Variants in CDH8 observed in about 807,000 individuals in gnomAD.
The protein encoded by CDH8 is cadherin-8.
In CDH8, 17 loss-of-function variants were observed where a neutral mutation model predicts 68.1. The ratio of observed to expected loss-of-function variants is 0.25; its 90% CI spans 0.17 to 0.37. The LOEUF is 0.37. CDH8 is among the 10% of genes least tolerant of loss of function. CDH8 has a pLI of 1.00. For missense variants in CDH8, 763 were observed against 999.3 expected (o/e 0.76, Z 3.19); for synonymous variants, 372 against 365.1 (o/e 1.02, Z -0.21).
At chr16:61,808,519 AT>A (rs1453233688) in intron 7 of CDH8, among the ~76,000 whole-genome samples, 2 of 152,182 alleles carry the variant, frequency 1.3e-5, no homozygotes, top group Non-Finnish European at 2.9e-5. Context: ...CAGATTCAAC[AT>A]GGGTGCATGC....
rs1963332592 is a variant in CDH8 at position 61,651,995 on chromosome 16, A to AC, written c.*1612_*1613insG. 1 of 759,164 alleles carries AC rather than the reference A, an allele frequency of 1.3e-6. No individual in the cohort carries two copies. Among genetic ancestry groups the AC allele is most frequent in the East Asian group, 1.3e-4 (1 of 7,746 alleles). The allele number at this position is 759,164 out of a possible 1,614,324, so 47.0% of individuals were successfully genotyped here. On this transcript the variant is annotated 3_prime_UTR_variant, in exon 12 of 12. Transcript: ENST00000577390. ...AGATCTTCCACTGATTGAAAAAAAA[A>AC]TTAATGACAACAAAGGTATTTATAA... is the stretch of plus-strand genomic sequence containing the variant.
intron 2 of CDH8, among the ~76,000 whole-genome samples, chr16:61,962,119 A>G (rs1279199552): frequency 6.6e-6 from 1 of 152,252 alleles, no homozygotes; most frequent in Non-Finnish European, 1.5e-5. Flanking sequence ...ATTATCAGAA[A>G]TAACTTTATC....
intron 7 of CDH8, among the ~76,000 whole-genome samples, chr16:61,800,291 TCTAC>T (rs1249596353): frequency 6.6e-6 from 1 of 152,228 alleles, no homozygotes; most frequent in Admixed American, 6.5e-5. Context: ...AAACGCAATG[TCTAC>T]CCACACGGTC....
At chr16:61,773,402 C>T (rs560304476) in intron 8 of CDH8, among the ~76,000 whole-genome samples, 6 of 152,194 alleles carry the variant, frequency 3.9e-5, no homozygotes, top group African/African-American at 1.2e-4. Context: ...TAAGTGCTCA[C>T]CTCTTAATGC....
chr16:61,841,910 C>T (rs368451978), intron 4 of CDH8, among the ~76,000 whole-genome samples: 12 of 152,176 alleles, frequency 7.9e-5, no homozygotes, highest in African/African-American at 2.6e-4. Context: ...TGCTTGGAGA[C>T]GGAGTCTTGC....
At chr16:61,707,551 C>A (rs1450339544) in intron 10 of CDH8, among the ~76,000 whole-genome samples, 1 of 151,920 alleles carries the variant, frequency 6.6e-6, no homozygotes, top group African/African-American at 2.4e-5. Flanking sequence ...TTTTTGTTGC[C>A]AAATTATTTT....
At chr16:61,714,942 GA>G (rs10712327) in intron 9 of CDH8, among the ~76,000 whole-genome samples, 4,837 of 150,488 alleles carry the variant, frequency 0.032, 356 homozygotes, top group East Asian at 0.24. Context: ...TTATTAAAGA[GA>G]AAAAAAAATT....
intron 2 of CDH8, among the ~76,000 whole-genome samples, chr16:61,990,956 AAAG>A (rs897161702): frequency 2.0e-4 from 30 of 150,484 alleles, no homozygotes; most frequent in African/African-American, 3.7e-4. Context: ...GAGAGAGAAA[AAAG>A]AAAGAAAGAA....
chr16:61,853,110 T>G (rs1293868267), intron 4 of CDH8, among the ~76,000 whole-genome samples: 5 of 152,080 alleles, frequency 3.3e-5, no homozygotes, highest in Non-Finnish European at 7.4e-5. Flanking sequence ...ATAACCCTGA[T>G]TTTGTTAAAG....
At chr16:61,826,543 C>A (rs1477066892) in intron 4 of CDH8, among the ~76,000 whole-genome samples, 1 of 151,746 alleles carries the variant, frequency 6.6e-6, no homozygotes, top group Admixed American at 6.6e-5. Flanking sequence ...AGATTAAAGA[C>A]AATTTAACCC....
At chr16:61,725,526 G>A (rs577638322) in intron 9 of CDH8, 1 of 150,876 alleles carries the variant, frequency 6.6e-6, no homozygotes, top group South Asian at 2.1e-4. Context: ...TCTGTGATTT[G>A]GCTACATTAT....
intron 2 of CDH8, among the ~76,000 whole-genome samples, chr16:61,978,832 T>C (rs1413877337): frequency 2.0e-5 from 3 of 152,148 alleles, no homozygotes; most frequent in Non-Finnish European, 4.4e-5. Context: ...GAAATTGCAT[T>C]CCCTGTGTAT....
chr16:61,965,521 C>T (rs1245845903), intron 2 of CDH8, among the ~76,000 whole-genome samples: 1 of 152,120 alleles, frequency 6.6e-6, no homozygotes, highest in East Asian at 1.9e-4. Flanking sequence ...TTTAACAACC[C>T]AACTTTCTGT....
intron 4 of CDH8, among the ~76,000 whole-genome samples, chr16:61,838,295 A>G (rs1008479064): frequency 5.9e-5 from 9 of 152,038 alleles, no homozygotes; most frequent in Non-Finnish European, 1.5e-5. Context: ...TTTTGTTTCA[A>G]TGAATCTAAG....
At chr16:61,899,328 G>C (rs1395907172) in intron 3 of CDH8, among the ~76,000 whole-genome samples, 2 of 152,146 alleles carry the variant, frequency 1.3e-5, no homozygotes, top group African/African-American at 4.8e-5. Context: ...AGCTGTCTTT[G>C]AAATATCCAG....
At position 61,817,731 on chromosome 16, in the gene CDH8, G is replaced by A; in HGVS notation, c.1025C>T (p.Pro342Leu). ...GGATTTTTTGGTCTCAAAGTCCAGA[G>A]GCTGTTAAGAAATGACAAAGATAAA... Reference protein sequence around the residue: ...AQDGIIRLRKPLDFETKKSYT... With the variant: ...AQDGIIRLRKLLDFETKKSYT... The change falls in exon 7 of 12, where the codon CCT becomes CTT. Residue 342 changes from proline to leucine, a missense_variant and splice_region_variant. Pro to Leu is a moderately conservative substitution (Grantham distance 98). Transcript: ENST00000577390. 1 of 1,552,612 alleles carries A rather than the reference G, an allele frequency of 6.4e-7. No individual in the cohort carries two copies. The highest frequency in any genetic ancestry group is 8.7e-7 in the Non-Finnish European group (1 of 1,153,346).
At chr16:62,022,555 A>T (rs891231818) in intron 1 of CDH8, among the ~76,000 whole-genome samples, 5 of 152,186 alleles carry the variant, frequency 3.3e-5, no homozygotes, top group African/African-American at 1.2e-4. Flanking sequence ...CTCAAAAAAA[A>T]ATATTTTTAA....
chr16:61,841,508 A>G (rs1276219626), intron 4 of CDH8, among the ~76,000 whole-genome samples: 2 of 152,192 alleles, frequency 1.3e-5, no homozygotes, highest in African/African-American at 4.8e-5. Flanking sequence ...AATGGTTATC[A>G]GAGGCTGGGA....
intron 2 of CDH8, among the ~76,000 whole-genome samples, chr16:61,906,981 C>T (rs2143298962): frequency 6.6e-6 from 1 of 152,294 alleles, no homozygotes; most frequent in East Asian, 1.9e-4. Flanking sequence ...TTATCTTGTA[C>T]ACAGTCATCA....
Sources: allele counts gnomAD v4.1 joint callset (sites outside exome capture counted in the v4.1 genomes callset), GRCh38; gene constraint gnomAD v4.1.1; transcripts MANE v1.5; gene names NCBI Gene and HGNC (gene_info 2026-07-23, HGNC 2026-07-21).